NKAIN3: variants seen among roughly 807,000 people sequenced by gnomAD.
The protein encoded by NKAIN3 is sodium/potassium transporting ATPase interacting 3, also known as sodium/potassium-transporting ATPase subunit beta-1-interacting protein 3.
Under a neutral mutation model 30.2 loss-of-function variants are expected in NKAIN3, and 25 were observed. That is an observed-to-expected ratio of 0.83 (90% CI 0.60 to 1.16). The LOEUF is 1.16. NKAIN3 is among the 50% of genes most tolerant of loss of function. The pLI is 0.00. For synonymous variants in NKAIN3, 91 were observed against 89.6 expected (o/e 1.02, Z -0.09); for missense variants, 225 against 254.1 (o/e 0.89, Z 0.78).
chr8:62,761,404 AG>A (rs1816659031), intron 4 of NKAIN3, among the ~76,000 whole-genome samples: 1 of 152,202 alleles, frequency 6.6e-6, no homozygotes, highest in East Asian at 1.9e-4. Context: ...GCGAATCAGA[AG>A]GGTGGTTCAC....
intron 1 of NKAIN3, among the ~76,000 whole-genome samples, chr8:62,388,755 C>G (rs567939959): frequency 6.6e-6 from 1 of 152,326 alleles, no homozygotes; most frequent in South Asian, 2.1e-4. Context: ...TTTCAGCCGG[C>G]TCTGGTTGCT....
chr8:62,928,829 G>A (rs2130868782), intron 5 of NKAIN3, among the ~76,000 whole-genome samples: 1 of 152,334 alleles, frequency 6.6e-6, no homozygotes, highest in Admixed American at 6.5e-5. Flanking sequence ...AGAAGCAGGT[G>A]ATAAGTGCCT....
At position 62,557,559 on chromosome 8, in the gene NKAIN3, G is replaced by A. The variant is rs372059233; in HGVS notation, c.55-21980G>A. Among the ~76,000 whole-genome samples the A allele has an allele frequency of 5.9e-5, 9 of 152,142 alleles. 1 individual carries two copies. The highest frequency in any genetic ancestry group is 2.1e-4 in the South Asian group (1 of 4,824). ...AGTGTTCCCTGTTTACCACATCCAC[G>A]CCAGCATCTACTGGTTTTTGATTTT... On this transcript the variant is annotated intron_variant, in intron 1 of 6. Coordinates refer to ENST00000623646, the MANE Select transcript of NKAIN3 (RefSeq NM_001304533.3).
intron 3 of NKAIN3, among the ~76,000 whole-genome samples, chr8:62,711,849 C>T (rs1251596346): frequency 6.6e-6 from 1 of 152,168 alleles, no homozygotes; most frequent in Non-Finnish European, 1.5e-5. Context: ...GTTTTCTGGT[C>T]TCTTCCATTT....
chr8:62,327,584 GAATA>G (rs1815185690), intron 1 of NKAIN3, among the ~76,000 whole-genome samples: 2 of 152,086 alleles, frequency 1.3e-5, no homozygotes, highest in East Asian at 3.9e-4. Flanking sequence ...TTTCCCCATT[GAATA>G]GCCTTACCAC....
At chr8:62,597,081 T>C (rs896877468) in intron 3 of NKAIN3, among the ~76,000 whole-genome samples, 1 of 152,106 alleles carries the variant, frequency 6.6e-6, no homozygotes, top group South Asian at 2.1e-4. Flanking sequence ...CCACTACCCA[T>C]AAACAATGAG....
At chr8:62,688,397 G>A (rs1401382222) in intron 3 of NKAIN3, among the ~76,000 whole-genome samples, 2 of 152,050 alleles carry the variant, frequency 1.3e-5, no homozygotes, top group African/African-American at 4.8e-5. Context: ...TAAATACCTG[G>A]TATACTGTTT....
chr8:62,709,107 T>C (rs1814634059), intron 3 of NKAIN3, among the ~76,000 whole-genome samples: 1 of 152,204 alleles, frequency 6.6e-6, no homozygotes, highest in South Asian at 2.1e-4. Flanking sequence ...TTTGATATAT[T>C]GTTGGATTCA....
intron 1 of NKAIN3, among the ~76,000 whole-genome samples, chr8:62,382,618 T>C (rs1291842341): frequency 6.6e-6 from 1 of 152,148 alleles, no homozygotes; most frequent in East Asian, 1.9e-4. Context: ...AAAGCAATAT[T>C]TAATTATTGG....
At chr8:62,502,773 G>A (rs1807501131) in intron 1 of NKAIN3, among the ~76,000 whole-genome samples, 1 of 152,192 alleles carries the variant, frequency 6.6e-6, no homozygotes, top group Admixed American at 6.5e-5. Flanking sequence ...GGGCACAGAT[G>A]TTCCTCTGGA....
At chr8:62,733,228 A>C (rs1348554159) in intron 3 of NKAIN3, among the ~76,000 whole-genome samples, 3 of 152,066 alleles carry the variant, frequency 2.0e-5, no homozygotes, top group Non-Finnish European at 4.4e-5. Flanking sequence ...AGCAACTTTT[A>C]ATTCCACCCT....
At chr8:62,778,240 A>G (rs958975570) in intron 4 of NKAIN3, among the ~76,000 whole-genome samples, 5 of 152,060 alleles carry the variant, frequency 3.3e-5, no homozygotes, top group African/African-American at 9.7e-5. Context: ...TAGACCCTTA[A>G]AATCAGCAAG....
At chr8:62,294,922 GA>G (rs1362950682) in intron 1 of NKAIN3, among the ~76,000 whole-genome samples, 1 of 152,108 alleles carries the variant, frequency 6.6e-6, no homozygotes, top group Admixed American at 6.6e-5. Flanking sequence ...ATCCTTTCCA[GA>G]AACATACAAA....
At chr8:62,410,726 T>C (rs2129595842) in intron 1 of NKAIN3, among the ~76,000 whole-genome samples, 1 of 152,248 alleles carries the variant, frequency 6.6e-6, no homozygotes, top group East Asian at 1.9e-4. Flanking sequence ...CAGAGTATAC[T>C]ATGAACAACT....
At chr8:62,327,355 G>A (rs928733425) in intron 1 of NKAIN3, among the ~76,000 whole-genome samples, 26 of 151,914 alleles carry the variant, frequency 1.7e-4, no homozygotes, top group Admixed American at 1.3e-4. Flanking sequence ...CTTTTGTCAC[G>A]TGTGTCTTTA....
At chr8:62,957,154 G>A (rs577120553) in intron 6 of NKAIN3, among the ~76,000 whole-genome samples, 5 of 149,238 alleles carry the variant, frequency 3.4e-5, no homozygotes, top group African/African-American at 1.2e-4. Context: ...TTTTTTTTAA[G>A]ACGGAGTCTT....
Position 62,472,476 on chromosome 8 carries a change from T to C in NKAIN3, c.55-107063T>C, listed in dbSNP as rs551025596. ...CTTATGAGAATTAAATGAAATAACA[T>C]ATGAAAGTACTTGGCACCTCAATAA... On this transcript the variant is annotated intron_variant, in intron 1 of 6. Coordinates refer to ENST00000623646, the MANE Select transcript of NKAIN3 (RefSeq NM_001304533.3). Among the ~76,000 whole-genome samples, 4 of 152,260 alleles carry C rather than the reference T, an allele frequency of 2.6e-5. No homozygotes were observed. In the East Asian group the frequency reaches 5.8e-4, roughly 22 times the overall value.
At chr8:62,531,715 C>A (rs772753009) in intron 1 of NKAIN3, among the ~76,000 whole-genome samples, 1 of 152,170 alleles carries the variant, frequency 6.6e-6, no homozygotes, top group African/African-American at 2.4e-5. Flanking sequence ...CCCATAGTGT[C>A]ATTTAAGATG....
intron 4 of NKAIN3, among the ~76,000 whole-genome samples, chr8:62,853,234 T>C (rs958343231): frequency 1.3e-5 from 2 of 152,168 alleles, no homozygotes; most frequent in African/African-American, 4.8e-5. Context: ...CTTTTGATCT[T>C]TGTTGGTTTA....
Sources: allele counts gnomAD v4.1 joint callset (sites outside exome capture counted in the v4.1 genomes callset), GRCh38; gene constraint gnomAD v4.1.1; transcripts MANE v1.5; gene names NCBI Gene and HGNC (gene_info 2026-07-23, HGNC 2026-07-21).